Variants in USP54 observed in about 807,000 individuals in gnomAD.
USP54 encodes ubiquitin carboxyl-terminal hydrolase 54.
In USP54, 87 loss-of-function variants were observed where a neutral mutation model predicts 170.5. That is an observed-to-expected ratio of 0.51 (90% CI 0.43 to 0.61). USP54 has a LOEUF of 0.61. Ranked by LOEUF, USP54 falls within the 20% of genes least tolerant of loss-of-function variation. The probability of loss-of-function intolerance (pLI) is 0.00; values close to 1 mark genes in which losing one functional copy is unlikely to be tolerated. For missense variants in USP54, 1,786 were observed against 2,047.8 expected (o/e 0.87, Z 2.47); for synonymous variants, 655 against 742.8 (o/e 0.88, Z 1.92).
chr10:73,616,814 G>C (rs780833665), intron 1 of USP54, among the ~76,000 whole-genome samples: 4 of 150,166 alleles, frequency 2.7e-5, no homozygotes, highest in Non-Finnish European at 5.9e-5. Context: ...AACAGAGAGA[G>C]ACTCTGTCTC....
chr10:73,561,504 A>T (rs1172101858), intron 4 of USP54, among the ~76,000 whole-genome samples: 1 of 152,146 alleles, frequency 6.6e-6, no homozygotes, highest in Non-Finnish European at 1.5e-5. Context: ...AAACTTCATG[A>T]AGAAGCTAAC....
intron 20 of USP54, chr10:73,513,218 C>G (rs2060492616): frequency 6.6e-6 from 1 of 152,142 alleles, no homozygotes; most frequent in Admixed American, 6.6e-5. Context: ...AGTCCCAGCA[C>G]TTTGGGAGGC....
chr10:73,547,789 C>A (rs1162476415), intron 4 of USP54, among the ~76,000 whole-genome samples: 2 of 152,102 alleles, frequency 1.3e-5, no homozygotes, highest in African/African-American at 4.8e-5. Context: ...TAGAAGAAAA[C>A]CTAGGCAATA....
intron 20 of USP54, among the ~76,000 whole-genome samples, chr10:73,508,507 A>G (rs1229617865): frequency 6.6e-6 from 1 of 152,120 alleles, no homozygotes; most frequent in Non-Finnish European, 1.5e-5. Flanking sequence ...CTACCCTCTC[A>G]TCAATAGAAA....
chr10:73,568,866 G>T (rs188212962), intron 4 of USP54, among the ~76,000 whole-genome samples: 3 of 152,310 alleles, frequency 2.0e-5, no homozygotes, highest in Non-Finnish European at 4.4e-5. Flanking sequence ...GTACTTGTGT[G>T]TCTCAGAGGG....
chr10:73,500,785 G>A lies in USP54; in HGVS notation c.4365C>T (p.Ser1455=). ...GGTCATGGATGACAGGGAGGGAAGA[G>A]GAGCTGGAACAACGGTGCCCGGTTT... is the stretch of plus-strand genomic sequence containing the variant. ...PLETGHRCSS[S]SSLPVIHDPS... is the part of the protein sequence containing the mutation. Residue 1455 remains serine (S), a synonymous_variant, in exon 23 of 24, where the codon TCC becomes TCT. Coordinates refer to ENST00000687698, the MANE Select transcript of USP54 (RefSeq NM_001391956.1). 1.2e-6 allele frequency: 2 copies of A among 1,600,854 alleles called. No individual in the cohort carries two copies. The highest frequency in any genetic ancestry group is 8.5e-7 in the Non-Finnish European group (1 of 1,175,442).
chr10:73,587,211 C>T (rs1413260859), intron 1 of USP54, among the ~76,000 whole-genome samples: 2 of 151,564 alleles, frequency 1.3e-5, no homozygotes, highest in African/African-American at 2.4e-5. Flanking sequence ...CAGTGGCTCA[C>T]TCCTGTAATC....
intron 4 of USP54, among the ~76,000 whole-genome samples, chr10:73,568,458 C>T (rs1363222035): frequency 2.6e-5 from 4 of 152,082 alleles, no homozygotes; most frequent in Non-Finnish European, 4.4e-5. Flanking sequence ...ATCTGCATTA[C>T]AAGTCTATAA....
chr10:73,528,408 C>T (rs372678900), intron 15 of USP54, among the ~76,000 whole-genome samples: 367 of 150,884 alleles, frequency 2.4e-3, no homozygotes, highest in African/African-American at 8.5e-3. Flanking sequence ...CCCACCACCA[C>T]GCCCGGCTAA....
rs772918929 is a variant in USP54, at chr10:73,517,059, G to A, written c.3367C>T (p.Pro1123Ser). 3.3e-5 allele frequency: 53 copies of A among 1,614,060 alleles called. 2 individuals carry two copies. The South Asian group carries it at 5.5e-4, about 17-fold the overall frequency. Reference protein sequence around the residue: ...GSEETYRPEFPSTKGLVRSLA... With the variant: ...GSEETYRPEFSSTKGLVRSLA... ...GAACGGACAAGCCCCTTTGTGCTGGGAAACTCTGGCCTATAGGTCTCCTCA... is the reference window on the plus strand; with the variant it reads ...GAACGGACAAGCCCCTTTGTGCTGGAAAACTCTGGCCTATAGGTCTCCTCA... The change falls in exon 20 of 24, where the codon CCC (proline) becomes TCC (serine). Residue 1123 changes from proline to serine, a missense_variant. Physicochemically the swap from Pro to Ser is moderately conservative, Grantham distance 74 (BLOSUM62 -1). Transcript: ENST00000687698.
chr10:73,604,787 G>A (rs981545428), intron 1 of USP54, among the ~76,000 whole-genome samples: 15 of 151,902 alleles, frequency 9.9e-5, no homozygotes, highest in Admixed American at 7.9e-4. Flanking sequence ...GAACGAAGCC[G>A]CAGATCTTCA....
intron 1 of USP54, chr10:73,606,426 T>C (rs1015950302): frequency 4.6e-5 from 7 of 151,254 alleles, no homozygotes; most frequent in Admixed American, 3.3e-4. Context: ...AGCCTAGGAG[T>C]TCGAGTACAG....
intron 4 of USP54, among the ~76,000 whole-genome samples, chr10:73,567,963 G>T (rs1353393438): frequency 1.3e-5 from 2 of 152,010 alleles, no homozygotes; most frequent in African/African-American, 4.8e-5. Context: ...ACCCTGGCTG[G>T]AGTGTAGTGG....
At chr10:73,619,533 A>G (rs1181790654) in intron 1 of USP54, among the ~76,000 whole-genome samples, 1 of 113,580 alleles carries the variant, frequency 8.8e-6, no homozygotes, top group Non-Finnish European at 1.7e-5. Context: ...ACTCCATCTC[A>G]AAAAAAAAAA....
chr10:73,591,432 A>C (rs1564936969), upstream of USP54: 2 of 152,334 alleles, frequency 1.3e-5, no homozygotes, highest in African/African-American at 2.4e-5. Flanking sequence ...AACAATGAGA[A>C]ACTGTGAATC....
chr10:73,548,246 G>A (rs1311947888), intron 4 of USP54, among the ~76,000 whole-genome samples: 1 of 152,148 alleles, frequency 6.6e-6, no homozygotes, highest in Non-Finnish European at 1.5e-5. Flanking sequence ...TGCTGGAGAG[G>A]ATGTGGAGAA....
chr10:73,622,598 A>G (rs2081180898), intron 1 of USP54, among the ~76,000 whole-genome samples: 1 of 152,082 alleles, frequency 6.6e-6, no homozygotes, highest in Admixed American at 6.6e-5. Context: ...TGCTGTGATG[A>G]CAGGCCTGAG....
At chr10:73,623,472 A>C (rs1589433954) in intron 1 of USP54, among the ~76,000 whole-genome samples, 2 of 151,768 alleles carry the variant, frequency 1.3e-5, no homozygotes, top group East Asian at 3.9e-4. Context: ...GCCTGGCAAC[A>C]TAGCAAGACC....
chr10:73,520,824 T>TA, intron 18 of USP54, 84 bp downstream of exon 18: 1 of 1,587,176 alleles, frequency 6.3e-7, no homozygotes, highest in Non-Finnish European at 8.6e-7. Context: ...AAACTGTTTT[T>TA]ATCCTGTCTG....
Sources: gnomAD v4.1 joint callset for allele counts (sites outside exome capture counted in the v4.1 genomes callset) on GRCh38, gnomAD v4.1.1 for gene constraint, MANE v1.5 for transcripts, NCBI Gene and HGNC (gene_info 2026-07-23, HGNC 2026-07-21) for gene names.